The following MRPL3 variants were observed in gnomAD, a reference collection of about 807,000 sequenced individuals.
The protein encoded by MRPL3 is large ribosomal subunit protein uL3m.
In MRPL3, 43 loss-of-function variants were observed where a neutral mutation model predicts 44.3. That is an observed-to-expected ratio of 0.97 (90% CI 0.76 to 1.25). MRPL3 has a LOEUF of 1.25. MRPL3 is among the 50% of genes most tolerant of loss of function. MRPL3 has a pLI of 0.00. For missense variants in MRPL3, 406 were observed against 427.6 expected (o/e 0.95, Z 0.45); for synonymous variants, 171 against 152.3 (o/e 1.12, Z -0.91).
At chr3:131,467,303 T>C (rs980114747) in intron 9 of MRPL3, among the ~76,000 whole-genome samples, 2 of 152,008 alleles carry the variant, frequency 1.3e-5, no homozygotes, top group African/African-American at 4.8e-5. Flanking sequence ...CATTCATTTG[T>C]AGATGGGGCA....
At chr3:131,467,969 A>G in intron 9 of MRPL3, 122 bp downstream of exon 9, 1 of 485,224 alleles carries the variant, frequency 2.1e-6, no homozygotes, top group Middle Eastern at 6.0e-4. Flanking sequence ...ATATGAGAAA[A>G]AGGAGACTTT....
intron 6 of MRPL3, among the ~76,000 whole-genome samples, chr3:131,482,149 A>T (rs143329065): frequency 9.2e-5 from 14 of 152,280 alleles, no homozygotes; most frequent in African/African-American, 3.4e-4. Flanking sequence ...GAATGAAAGG[A>T]TCCAAACTAA....
intron 6 of MRPL3, among the ~76,000 whole-genome samples, chr3:131,481,417 A>T (rs915284503): frequency 2.0e-5 from 3 of 152,248 alleles, no homozygotes; most frequent in Non-Finnish European, 4.4e-5. Context: ...CCTTGAGCTA[A>T]GAGCTTTCTA....
rs1327962190 is a variant in MRPL3 at position 131,502,767 on chromosome 3, C to T, written c.55G>A (p.Gly19Arg). ...QVGAQVLGRL[G>R]DGLGAALGPG... is the part of the protein sequence containing the mutation. Reference sequence around the variant, plus strand: ...CCCAGGGCAGCACCCAGGCCGTCCCCGAGTCGACCCAGCACCTGGGCGCCG... The same window carrying T: ...CCCAGGGCAGCACCCAGGCCGTCCCTGAGTCGACCCAGCACCTGGGCGCCG... The change falls in exon 1 of 10, where the codon GGG (glycine) becomes AGG (arginine). Residue 19 changes from glycine to arginine, a missense_variant. Physicochemically the swap from Gly to Arg is moderately radical, Grantham distance 125. Coordinates refer to ENST00000264995, the MANE Select transcript of MRPL3 (RefSeq NM_007208.4). 1.9e-6 allele frequency: 3 copies of T among 1,612,492 alleles called. No individual in the cohort carries two copies. In the South Asian group the frequency reaches 3.3e-5, roughly 18 times the overall value.
rs534940148 is a variant in MRPL3, at chr3:131,470,627, C to T, written c.738+544G>A. ...AGTAGACAGAACTAAGACACACACA[C>T]ACACACCCCTCTGTTTCTCTGTGTG... is the stretch of plus-strand genomic sequence containing the variant. On this transcript the variant is annotated intron_variant, in intron 7 of 9. Coordinates refer to ENST00000264995, the MANE Select transcript of MRPL3 (RefSeq NM_007208.4). 1.4e-4 allele frequency among the ~76,000 whole-genome samples: 22 copies of T among 152,102 alleles called. No homozygotes were observed. In the South Asian group the frequency reaches 4.6e-3, roughly 32 times the overall value.
At chr3:131,498,114 T>C in intron 4 of MRPL3, 65 bp downstream of exon 4, 1 of 1,143,976 alleles carries the variant, frequency 8.7e-7, no homozygotes, top group East Asian at 2.4e-5. Flanking sequence ...TCTCAAAACA[T>C]AAACTCATCC....
chr3:131,497,135 T>C (rs1463563566), intron 4 of MRPL3, among the ~76,000 whole-genome samples: 3 of 152,234 alleles, frequency 2.0e-5, no homozygotes, highest in Non-Finnish European at 2.9e-5. Context: ...CTGGGATGGC[T>C]GGTTTATTTG....
chr3:131,463,686 A>T (rs1933540484), intron 9 of MRPL3, among the ~76,000 whole-genome samples: 1 of 152,158 alleles, frequency 6.6e-6, no homozygotes, highest in Non-Finnish European at 1.5e-5. Context: ...GAGCTCTGTT[A>T]ACTCTATATA....
chr3:131,485,922 G>A (rs1934107848), intron 6 of MRPL3, among the ~76,000 whole-genome samples: 1 of 152,058 alleles, frequency 6.6e-6, no homozygotes, highest in African/African-American at 2.4e-5. Context: ...GTAAACAATG[G>A]CATATTTTTC....
intron 6 of MRPL3, chr3:131,487,463 T>A (rs1934154951): frequency 1.3e-5 from 6 of 446,028 alleles, no homozygotes; most frequent in Non-Finnish European, 2.0e-5. Context: ...AAAAAACAAA[T>A]AAAAATAAAA....
intron 4 of MRPL3, among the ~76,000 whole-genome samples, chr3:131,493,708 G>C (rs1934306436): frequency 6.6e-6 from 1 of 152,112 alleles, no homozygotes; most frequent in South Asian, 2.1e-4. Flanking sequence ...CAATCTTCAG[G>C]TCTAGTTACT....
At chr3:131,464,618 C>T (rs9846143) in intron 9 of MRPL3, among the ~76,000 whole-genome samples, 112,715 of 152,002 alleles carry the variant, frequency 0.74, 43,117 homozygotes, top group African/African-American at 0.91. Flanking sequence ...ATATAGGACA[C>T]AGGAATGAAC....
intron 9 of MRPL3, among the ~76,000 whole-genome samples, chr3:131,465,891 C>CTTTTTTTTTTTT (rs55635822): frequency 3.0e-5 from 4 of 133,348 alleles, no homozygotes; most frequent in Non-Finnish European, 3.1e-5. Flanking sequence ...CTTTTTCTCT[C>CTTTTTTTTTTTT]TTTTTTTTTT....
chr3:131,463,369 T>C (rs1298499156), intron 9 of MRPL3, among the ~76,000 whole-genome samples: 1 of 150,188 alleles, frequency 6.7e-6, no homozygotes, highest in Non-Finnish European at 1.5e-5. Flanking sequence ...TGTATTTCTA[T>C]GTCACATGGT....
chr3:131,468,039 G>A lies in MRPL3; in HGVS notation c.894+52C>T, dbSNP rs1268123474. The A allele has an allele frequency of 1.4e-4, 128 of 894,348 alleles. 2 individuals carry two copies. In the East Asian group the frequency reaches 2.9e-3, roughly 20 times the overall value. 55.4% of individuals were successfully genotyped at this position (894,348 alleles called of 1,614,324 possible). ...TAAAGATAGTAATTTGTTAGCTTGC[G>A]AGTAAGAAACAAAAAAAAAAAAGGA... On this transcript the variant is annotated intron_variant, in intron 9 of 9. Coordinates refer to ENST00000264995, the MANE Select transcript of MRPL3 (RefSeq NM_007208.4).
intron 6 of MRPL3, among the ~76,000 whole-genome samples, chr3:131,482,700 T>C (rs1169188468): frequency 2.0e-5 from 3 of 151,378 alleles, no homozygotes; most frequent in Non-Finnish European, 2.9e-5. Flanking sequence ...ATTATCCTTC[T>C]TTCAGAAAGA....
At chr3:131,484,439 T>C (rs1026188267) in intron 6 of MRPL3, among the ~76,000 whole-genome samples, 3 of 152,192 alleles carry the variant, frequency 2.0e-5, no homozygotes, top group Non-Finnish European at 4.4e-5. Context: ...TATAAATCCA[T>C]GTCCTTTCAT....
intron 3 of MRPL3, among the ~76,000 whole-genome samples, chr3:131,498,962 T>C (rs1934432979): frequency 6.6e-6 from 1 of 152,196 alleles, no homozygotes; most frequent in African/African-American, 2.4e-5. Flanking sequence ...AATCCAGACC[T>C]ACTGAATCAG....
intron 3 of MRPL3, among the ~76,000 whole-genome samples, chr3:131,500,009 C>T (rs534517800): frequency 6.6e-6 from 1 of 152,172 alleles, no homozygotes; most frequent in Non-Finnish European, 1.5e-5. Context: ...ACCCACTAGA[C>T]TATAGCTTAC....
Sources: allele counts gnomAD v4.1 joint callset (sites outside exome capture counted in the v4.1 genomes callset), GRCh38; gene constraint gnomAD v4.1.1; transcripts MANE v1.5; gene names NCBI Gene and HGNC (gene_info 2026-07-23, HGNC 2026-07-21).